TFDP2: variants seen among roughly 807,000 people sequenced by gnomAD.
TFDP2 encodes the protein transcription factor Dp-2 (E2F dimerization partner 2).
A neutral mutation model predicts 59.3 loss-of-function variants in TFDP2; 17 were observed. That is an observed-to-expected ratio of 0.29 (90% confidence interval 0.20 to 0.43). The LOEUF (loss-of-function observed/expected upper bound fraction) is 0.43, where lower values mean the gene tolerates loss of function less well. Among genes scored for constraint, TFDP2 ranks in the 20% least tolerant of loss-of-function variants. The pLI is 1.00. For missense variants in TFDP2, 391 were observed against 528.8 expected (o/e 0.74, Z 2.56); for synonymous variants, 180 against 194.7 (o/e 0.92, Z 0.63).
chr3:142,010,662 A>G (rs2108293660), intron 3 of TFDP2, among the ~76,000 whole-genome samples: 1 of 151,514 alleles, frequency 6.6e-6, no homozygotes, highest in Non-Finnish European at 1.5e-5. Flanking sequence ...AACCTACAAA[A>G]TGGGAGAAAA....
At chr3:141,959,104 C>T (rs1937048634) in intron 11 of TFDP2, among the ~76,000 whole-genome samples, 1 of 151,924 alleles carries the variant, frequency 6.6e-6, no homozygotes, top group Non-Finnish European at 1.5e-5. Context: ...AGATATGTGC[C>T]ATCACGCCCG....
intron 3 of TFDP2, among the ~76,000 whole-genome samples, chr3:142,013,557 AAAC>A (rs1327756331): frequency 2.6e-5 from 4 of 152,224 alleles, no homozygotes; most frequent in African/African-American, 9.6e-5. Flanking sequence ...AGTGTATTAA[AAAC>A]AACGATTTTT....
intron 1 of TFDP2, among the ~76,000 whole-genome samples, chr3:142,106,270 G>A (rs1043724173): frequency 3.9e-5 from 6 of 151,998 alleles, no homozygotes; most frequent in African/African-American, 7.2e-5. Flanking sequence ...ATCACCAAAC[G>A]TTCAAATGTA....
chr3:142,136,382 T>C (rs1228772727), intron 1 of TFDP2, among the ~76,000 whole-genome samples: 1 of 152,156 alleles, frequency 6.6e-6, no homozygotes, highest in South Asian at 2.1e-4. Flanking sequence ...GCCTGTTCAC[T>C]CTGATGGCAG....
chr3:142,009,384 T>C (rs1183531360), intron 3 of TFDP2, among the ~76,000 whole-genome samples: 1 of 152,178 alleles, frequency 6.6e-6, no homozygotes, highest in Admixed American at 6.6e-5. Context: ...CAAATAAAGT[T>C]TCCCTACCTT....
chr3:141,980,498 A>G (rs1010547870), intron 6 of TFDP2, among the ~76,000 whole-genome samples: 2 of 151,974 alleles, frequency 1.3e-5, no homozygotes, highest in African/African-American at 4.8e-5. Context: ...GATATTATTC[A>G]TTGTATCTAA....
At chr3:142,136,799 G>T (rs759684714) in intron 1 of TFDP2, among the ~76,000 whole-genome samples, 1 of 152,000 alleles carries the variant, frequency 6.6e-6, no homozygotes, top group Admixed American at 6.5e-5. Context: ...GTTACTTGTA[G>T]TATAGTTTGA....
At chr3:142,130,906 A>T (rs1031848570) in intron 1 of TFDP2, among the ~76,000 whole-genome samples, 1 of 150,608 alleles carries the variant, frequency 6.6e-6, no homozygotes, top group Non-Finnish European at 1.5e-5. Context: ...ACAAAAAATT[A>T]GCCAAATGTG....
Position 141,945,026 on chromosome 3 carries a change from A to G in TFDP2, c.*7487T>C, listed in dbSNP as rs574442044. ...ATGTATCCTTCATGCAGAAAAAAGG[A>G]GAACTATATTTTCTGGAAATAAAAC... On this transcript the variant is annotated 3_prime_UTR_variant, in exon 13 of 13. Transcript: ENST00000489671. 1 of 152,346 alleles carries G rather than the reference A, an allele frequency of 6.6e-6. No individual in the cohort carries two copies. The highest frequency in any genetic ancestry group is 2.1e-4 in the South Asian group (1 of 4,828). The allele number at this position is 152,346 out of a possible 1,614,324, so 9.4% of individuals were successfully genotyped here.
At chr3:142,126,817 G>A (rs757140470) in intron 1 of TFDP2, among the ~76,000 whole-genome samples, 35 of 151,646 alleles carry the variant, frequency 2.3e-4, no homozygotes, top group Admixed American at 1.5e-3. Context: ...CAGTGGTGGC[G>A]TGCCTGTAAT....
At chr3:142,074,377 C>A (rs1352379228) in intron 3 of TFDP2, among the ~76,000 whole-genome samples, 2 of 150,124 alleles carry the variant, frequency 1.3e-5, no homozygotes, top group Non-Finnish European at 3.0e-5. Flanking sequence ...CCACTGCACT[C>A]CAGCCTGGGC....
chr3:142,149,488 C>G lies in TFDP2; in HGVS notation c.-398G>C, dbSNP rs933097969. On this transcript the variant is annotated 5_prime_UTR_variant, in exon 1 of 13. Transcript: ENST00000489671. ...CCGATTTCGTCCGCCCTCTCCCTGC[C>G]CAGCTACAGCCCCGCTTCCCCCGCG... is the stretch of plus-strand genomic sequence containing the variant. The G allele has an allele frequency of 2.8e-6, 1 of 359,254 alleles. No homozygotes were observed. The highest frequency in any genetic ancestry group is 4.0e-5 in the East Asian group (1 of 24,808). 22.3% of individuals were successfully genotyped at this position (359,254 alleles called of 1,614,324 possible).
chr3:142,048,613 T>C (rs2108479648), intron 3 of TFDP2, among the ~76,000 whole-genome samples: 1 of 152,304 alleles, frequency 6.6e-6, no homozygotes, highest in East Asian at 1.9e-4. Flanking sequence ...TTGCCCAGGC[T>C]GGAGTACGGT....
chr3:142,147,599 A>G (rs1046065537), intron 1 of TFDP2, among the ~76,000 whole-genome samples: 1 of 152,224 alleles, frequency 6.6e-6, no homozygotes, highest in Non-Finnish European at 1.5e-5. Context: ...CTTTTTAAAC[A>G]CCTAGAAATG....
Position 142,145,805 on chromosome 3 carries a change from C to T in TFDP2, c.-93+3378G>A, listed in dbSNP as rs552338436. Among the ~76,000 whole-genome samples, 3 of 152,142 alleles carry T rather than the reference C, an allele frequency of 2.0e-5. No individual in the cohort carries two copies. In the East Asian group the frequency reaches 5.8e-4, roughly 29 times the overall value. On this transcript the variant is annotated intron_variant, in intron 1 of 12. Transcript: ENST00000489671. The stretch of plus-strand genomic sequence containing the variant: ...ATGCTACTGGAATATAGTATAGTTT[C>T]ACTAAGGACAAGTAATGATAGGGTA...
intron 3 of TFDP2, among the ~76,000 whole-genome samples, chr3:142,061,660 GC>G (rs1007624066): frequency 1.3e-5 from 2 of 151,986 alleles, no homozygotes; most frequent in Non-Finnish European, 2.9e-5. Flanking sequence ...GAGGCCTCTG[GC>G]CTAGAATTGG....
chr3:142,111,445 A>AAG (rs2061659218), intron 1 of TFDP2, among the ~76,000 whole-genome samples: 1 of 151,644 alleles, frequency 6.6e-6, no homozygotes, highest in African/African-American at 2.4e-5. Context: ...AAAAAAAAAA[A>AAG]AAAGATTCAT....
chr3:142,053,693 C>G (rs929552791), intron 3 of TFDP2, among the ~76,000 whole-genome samples: 1 of 151,918 alleles, frequency 6.6e-6, no homozygotes, highest in African/African-American at 2.4e-5. Context: ...ATTGGAAAAG[C>G]CTTTAAAAAG....
At chr3:141,994,898 T>C in intron 5 of TFDP2, 122 bp downstream of exon 5, 1 of 815,854 alleles carries the variant, frequency 1.2e-6, no homozygotes, top group Non-Finnish European at 1.8e-6. Context: ...ATAGGTGATT[T>C]TAAAGGAAAA....
Sources: allele counts gnomAD v4.1 joint callset (sites outside exome capture counted in the v4.1 genomes callset), GRCh38; gene constraint gnomAD v4.1.1; transcripts MANE v1.5; gene names NCBI Gene and HGNC (gene_info 2026-07-23, HGNC 2026-07-21).